RNF180: variants seen among roughly 807,000 people sequenced by gnomAD.
RNF180 encodes E3 ubiquitin-protein ligase RNF180.
Under a neutral mutation model 59.2 loss-of-function variants are expected in RNF180, and 38 were observed. The ratio of observed to expected loss-of-function variants is 0.64; its 90% CI spans 0.50 to 0.84. RNF180 has a LOEUF of 0.84. Among genes scored for constraint, RNF180 ranks in the 40% least tolerant of loss-of-function variants. RNF180 has a pLI of 0.00. For synonymous variants in RNF180, 262 were observed against 240.3 expected, an observed-to-expected ratio of 1.09 and a Z score of -0.84; for missense variants, 705 against 700.9, an observed-to-expected ratio of 1.01 and a Z score of -0.07.
chr5:64,240,079 A>G (rs1742707677), intron 5 of RNF180, among the ~76,000 whole-genome samples: 1 of 152,160 alleles, frequency 6.6e-6, no homozygotes, highest in African/African-American at 2.4e-5. Context: ...TGAGGAACCA[A>G]ATAGATTTGA....
chr5:64,244,185 C>G (rs1383671639), intron 5 of RNF180, among the ~76,000 whole-genome samples: 1 of 152,236 alleles, frequency 6.6e-6, no homozygotes, highest in East Asian at 1.9e-4. Context: ...GCCTCTTCTC[C>G]TCCAAAGGAT....
chr5:64,350,565 C>T (rs1709027019), intron 7 of RNF180, among the ~76,000 whole-genome samples: 1 of 152,088 alleles, frequency 6.6e-6, no homozygotes, highest in Non-Finnish European at 1.5e-5. Context: ...CTCTTTAATC[C>T]ATTTTGAATG....
intron 5 of RNF180, among the ~76,000 whole-genome samples, chr5:64,252,891 T>C (rs1480522914): frequency 6.6e-6 from 1 of 151,972 alleles, no homozygotes; most frequent in Non-Finnish European, 1.5e-5. Flanking sequence ...AAGACATTCA[T>C]GAACCATTCA....
chr5:64,219,042 T>G (rs1166225905), intron 5 of RNF180, among the ~76,000 whole-genome samples: 1 of 152,106 alleles, frequency 6.6e-6, no homozygotes, highest in Non-Finnish European at 1.5e-5. Flanking sequence ...TGAATGGAGG[T>G]GTTGAGAGCA....
chr5:64,297,927 A>G (rs1742968923), intron 5 of RNF180, among the ~76,000 whole-genome samples: 1 of 152,056 alleles, frequency 6.6e-6, no homozygotes, highest in South Asian at 2.1e-4. Context: ...GTTCGGGGGT[A>G]CATGTGCAGG....
At chr5:64,364,729 A>G (rs907472374) in intron 7 of RNF180, among the ~76,000 whole-genome samples, 2 of 151,422 alleles carry the variant, frequency 1.3e-5, no homozygotes, top group African/African-American at 2.4e-5. Flanking sequence ...ATAGGCTATT[A>G]CTGATTCAAT....
intron 5 of RNF180, among the ~76,000 whole-genome samples, chr5:64,282,089 T>G (rs140091809): frequency 2.6e-5 from 4 of 152,080 alleles, no homozygotes; most frequent in African/African-American, 9.6e-5. Context: ...TTGTATCTCC[T>G]CCTCAATTTT....
At chr5:64,333,750 C>G (rs1437842818) in intron 7 of RNF180, among the ~76,000 whole-genome samples, 2 of 152,120 alleles carry the variant, frequency 1.3e-5, no homozygotes, top group Admixed American at 1.3e-4. Flanking sequence ...TTCTTCTTGT[C>G]TTCCCCATAG....
At chr5:64,250,388 A>T (rs1171772068) in intron 5 of RNF180, among the ~76,000 whole-genome samples, 4 of 152,152 alleles carry the variant, frequency 2.6e-5, no homozygotes, top group African/African-American at 9.6e-5. Context: ...AACTAAACCC[A>T]AAGTTAGTAG....
intron 7 of RNF180, among the ~76,000 whole-genome samples, chr5:64,364,297 A>G (rs1474856423): frequency 6.6e-6 from 1 of 151,732 alleles, no homozygotes; most frequent in Non-Finnish European, 1.5e-5. Flanking sequence ...ACAATGTTGA[A>G]TTTTATTGAA....
intron 5 of RNF180, among the ~76,000 whole-genome samples, chr5:64,236,427 T>C (rs1443517762): frequency 6.6e-6 from 1 of 152,334 alleles, no homozygotes; most frequent in South Asian, 2.1e-4. Flanking sequence ...TGTTCAGTTA[T>C]ATGCATTCAC....
At chr5:64,274,092 C>G (rs1270156366) in intron 5 of RNF180, among the ~76,000 whole-genome samples, 1 of 151,938 alleles carries the variant, frequency 6.6e-6, no homozygotes, top group Non-Finnish European at 1.5e-5. Context: ...TTATTTATAG[C>G]CCTATACCAT....
At chr5:64,296,091 A>G (rs1173054224) in intron 5 of RNF180, among the ~76,000 whole-genome samples, 2 of 152,206 alleles carry the variant, frequency 1.3e-5, no homozygotes, top group Non-Finnish European at 2.9e-5. Flanking sequence ...TATTCCTAAC[A>G]TGACTACAGG....
chr5:64,178,252 T>G (rs1466773545), intron 1 of RNF180, among the ~76,000 whole-genome samples: 1 of 151,200 alleles, frequency 6.6e-6, no homozygotes, highest in Non-Finnish European at 1.5e-5. Context: ...AACTCTGGCC[T>G]TTCTATGATC....
In RNF180 at chr5:64,269,864, C is replaced by G. The variant is rs565078632; in HGVS notation, c.1227+52468C>G. Among the ~76,000 whole-genome samples, 56 of 152,104 alleles carry G rather than the reference C, an allele frequency of 3.7e-4. 1 individual carries two copies. The highest frequency in any genetic ancestry group is 3.2e-3 in the Admixed American group (49 of 15,268). On this transcript the variant is annotated intron_variant, in intron 5 of 7. Transcript: ENST00000389100. ...TTGGCACGTATTTAAAACTTTAGTT[C>G]GGAACTTAAAGGTAGCCATCAATTT...
At chr5:64,170,240 G>A (rs185147260) in intron 1 of RNF180, among the ~76,000 whole-genome samples, 1 of 152,220 alleles carries the variant, frequency 6.6e-6, no homozygotes, top group Non-Finnish European at 1.5e-5. Flanking sequence ...AAACTAATAT[G>A]TTTGCACTAA....
chr5:64,187,141 G>A (rs985913173), intron 1 of RNF180, among the ~76,000 whole-genome samples: 2 of 152,136 alleles, frequency 1.3e-5, no homozygotes, highest in African/African-American at 4.8e-5. Flanking sequence ...TCAAGACTAA[G>A]TGCCTGAGAT....
chr5:64,324,313 C>G (rs753401601), intron 5 of RNF180, among the ~76,000 whole-genome samples: 50 of 152,210 alleles, frequency 3.3e-4, no homozygotes, highest in African/African-American at 1.2e-3. Flanking sequence ...CACTCACACA[C>G]ACCAACACTC....
chr5:64,354,210 T>G (rs1745928073), intron 7 of RNF180, among the ~76,000 whole-genome samples: 1 of 151,714 alleles, frequency 6.6e-6, no homozygotes, highest in African/African-American at 2.4e-5. Flanking sequence ...CTGGGCAAGC[T>G]TTTACCTACA....
Sources: allele counts gnomAD v4.1 joint callset (sites outside exome capture counted in the v4.1 genomes callset), GRCh38; gene constraint gnomAD v4.1.1; transcripts MANE v1.5; gene names NCBI Gene and HGNC (gene_info 2026-07-23, HGNC 2026-07-21).